ADGRL3: variants seen among roughly 807,000 people sequenced by gnomAD.
ADGRL3 encodes the protein adhesion G protein-coupled receptor L3, also known as calcium-independent alpha-latrotoxin receptor 3.
A neutral mutation model predicts 153.5 loss-of-function variants in ADGRL3; 62 were observed. The observed-to-expected ratio is 0.40, with a 90% confidence interval of 0.33 to 0.50. The LOEUF (loss-of-function observed/expected upper bound fraction) is 0.50, where lower values mean the gene tolerates loss of function less well. ADGRL3 is among the 20% of genes least tolerant of loss of function. The pLI is 0.47. For missense variants in ADGRL3, 1,641 were observed against 1,859.4 expected, an observed-to-expected ratio of 0.88 and a Z score of 2.16; for synonymous variants, 710 against 672.5, an observed-to-expected ratio of 1.06 and a Z score of -0.86.
intron 1 of ADGRL3, among the ~76,000 whole-genome samples, chr4:61,217,069 G>A (rs985843450): frequency 6.6e-6 from 1 of 152,092 alleles, no homozygotes; most frequent in Admixed American, 6.5e-5. Flanking sequence ...CTATTTATTT[G>A]TTAGCACTAG....
intron 17 of ADGRL3, among the ~76,000 whole-genome samples, chr4:61,958,852 C>T (rs895304998): frequency 2.0e-5 from 3 of 152,064 alleles, no homozygotes; most frequent in Non-Finnish European, 4.4e-5. Flanking sequence ...ATGCTAACAT[C>T]CAAAGGTGAG....
intron 2 of ADGRL3, among the ~76,000 whole-genome samples, chr4:61,388,973 A>G (rs769694897): frequency 2.6e-5 from 4 of 152,112 alleles, no homozygotes; most frequent in Admixed American, 2.0e-4. Context: ...CATTACACAA[A>G]ATTTGTTTAT....
At chr4:61,847,954 T>C (rs189013493) in intron 9 of ADGRL3, among the ~76,000 whole-genome samples, 18 of 16,212 alleles carry the variant, frequency 1.1e-3, no homozygotes, top group African/African-American at 3.0e-3. Context: ...ATATATAATA[T>C]AAAATATATT....
chr4:62,041,601 A>T (rs1728319116), intron 24 of ADGRL3, among the ~76,000 whole-genome samples: 1 of 151,996 alleles, frequency 6.6e-6, no homozygotes, highest in South Asian at 2.1e-4. Context: ...TTCCTCCAGA[A>T]AGGCTCCTAA....
intron 1 of ADGRL3, among the ~76,000 whole-genome samples, chr4:61,291,335 C>A (rs571161945): frequency 3.3e-5 from 5 of 151,218 alleles, no homozygotes; most frequent in African/African-American, 1.2e-4. Flanking sequence ...AAAAATAATA[C>A]AAATATAAAA....
At chr4:61,932,666 A>G (rs890614247) in intron 13 of ADGRL3, among the ~76,000 whole-genome samples, 13 of 152,126 alleles carry the variant, frequency 8.5e-5, no homozygotes. Flanking sequence ...TTGGTGTCAA[A>G]GTAATGCTAG....
intron 1 of ADGRL3, among the ~76,000 whole-genome samples, chr4:61,276,592 G>A (rs2093471416): frequency 6.6e-6 from 1 of 151,948 alleles, no homozygotes; most frequent in South Asian, 2.1e-4. Flanking sequence ...ATAGATTTTT[G>A]AATCCTTTCT....
intron 19 of ADGRL3, among the ~76,000 whole-genome samples, chr4:61,991,444 T>C (rs1407412988): frequency 6.6e-6 from 1 of 152,092 alleles, no homozygotes; most frequent in African/African-American, 2.4e-5. Context: ...TAGTCCATCA[T>C]AGAATGTAGG....
chr4:61,957,794 A>C (rs2098973136), intron 17 of ADGRL3, among the ~76,000 whole-genome samples: 1 of 151,998 alleles, frequency 6.6e-6, no homozygotes, highest in South Asian at 2.1e-4. Context: ...AGCTAATTGC[A>C]ATTTGAAAAA....
At chr4:61,214,815 A>C (rs1168056180) in intron 1 of ADGRL3, among the ~76,000 whole-genome samples, 1 of 152,122 alleles carries the variant, frequency 6.6e-6, no homozygotes, top group African/African-American at 2.4e-5. Context: ...GTGCATGCCC[A>C]TAGTTCCAGC....
intron 4 of ADGRL3, among the ~76,000 whole-genome samples, chr4:61,535,361 T>C (rs568602391): frequency 3.3e-5 from 5 of 152,274 alleles, no homozygotes; most frequent in Admixed American, 6.5e-5. Flanking sequence ...TTGAGGATTT[T>C]TGCATCTGTG....
In ADGRL3 at chr4:62,031,531, T is replaced by C; in HGVS notation, c.3512T>C (p.Ile1171Thr). Residue 1171 changes from isoleucine (I) to threonine (T), a missense_variant, in exon 23 of 27, where the codon ATC becomes ACC. By Grantham distance (89) the Ile-to-Thr change is moderately conservative. This residue lies in a region of ADGRL3 where 517 missense variants were observed against 555.0 expected (regional missense o/e 0.93). Coordinates refer to ENST00000683033, the MANE Select transcript of ADGRL3 (RefSeq NM_001387552.1). Reference protein sequence around the residue: ...GLMYINESTVIMAYLFTIFNS... With the variant: ...GLMYINESTVTMAYLFTIFNS... ...ATGTATATTAATGAAAGCACAGTCA[T>C]CATGGCCTATCTCTTCACCATTTTC... is the stretch of plus-strand genomic sequence containing the variant. 1 of 1,610,458 alleles carries C rather than the reference T, an allele frequency of 6.2e-7. No individual in the cohort carries two copies. Among genetic ancestry groups the C allele is most frequent in the African/African-American group, 1.3e-5 (1 of 74,900 alleles).
chr4:61,641,282 T>A (rs916256883), intron 5 of ADGRL3, among the ~76,000 whole-genome samples: 1 of 151,982 alleles, frequency 6.6e-6, no homozygotes, highest in Middle Eastern at 3.4e-3. Flanking sequence ...TTTTTCGTTT[T>A]ATTTATTTAT....
chr4:61,607,970 C>G (rs930734242), intron 5 of ADGRL3, among the ~76,000 whole-genome samples: 17 of 152,158 alleles, frequency 1.1e-4, no homozygotes, highest in South Asian at 4.1e-4. Context: ...TGGAGTCAAC[C>G]AGGCTAGATT....
chr4:61,905,987 G>GTAAGGA (rs1407940570), intron 11 of ADGRL3, among the ~76,000 whole-genome samples: 3 of 151,554 alleles, frequency 2.0e-5, no homozygotes, highest in African/African-American at 7.3e-5. Flanking sequence ...AACATTATAA[G>GTAAGGA]TAAGGATTTC....
chr4:61,936,015 G>T lies in ADGRL3; in HGVS notation c.2389G>T (p.Ala797Ser), dbSNP rs1471889197. 1 of 1,610,432 alleles carries T rather than the reference G, an allele frequency of 6.2e-7. No individual in the cohort carries two copies. Among genetic ancestry groups the T allele is most frequent in the East Asian group, 2.2e-5 (1 of 44,788 alleles). Residue 797 changes from alanine (A) to serine (S), a missense_variant, in exon 15 of 27, where the codon GCA becomes TCA. Around this residue, in one of 5 missense-constraint regions of ADGRL3, gnomAD observed 734 missense variants for 797.0 expected, o/e 0.92. Coordinates refer to ENST00000683033, the MANE Select transcript of ADGRL3 (RefSeq NM_001387552.1). ...MGHGSTIQLS[A>S]NTLKQNGRNG... is the part of the protein sequence containing the mutation. ...CCATGGAAGCACTATCCAGCTGTCTGCAAATACCTTAAAGCAAAATGGCCG... is the reference window on the plus strand; with the variant it reads ...CCATGGAAGCACTATCCAGCTGTCTTCAAATACCTTAAAGCAAAATGGCCG...
chr4:61,696,669 C>A (rs1420120013), intron 6 of ADGRL3, among the ~76,000 whole-genome samples: 3 of 119,018 alleles, frequency 2.5e-5, no homozygotes, highest in South Asian at 2.9e-4. Context: ...TTTTTTTTAA[C>A]CTTTTTTTTT....
At chr4:61,431,289 C>A (rs2097352775) in intron 2 of ADGRL3, among the ~76,000 whole-genome samples, 2 of 152,142 alleles carry the variant, frequency 1.3e-5, no homozygotes, top group African/African-American at 2.4e-5. Context: ...TAGGACCAAC[C>A]AAGAGGTGTC....
intron 5 of ADGRL3, among the ~76,000 whole-genome samples, chr4:61,591,312 C>A (rs2098968222): frequency 6.6e-6 from 1 of 152,158 alleles, no homozygotes; most frequent in African/African-American, 2.4e-5. Flanking sequence ...GTGAACTTAG[C>A]AACTGTTGCA....
Sources: gnomAD v4.1 joint callset for allele counts (sites outside exome capture counted in the v4.1 genomes callset) on GRCh38, gnomAD v4.1.1 for gene constraint, gnomAD v4.1.1 regional missense constraint, MANE v1.5 for transcripts, NCBI Gene and HGNC (gene_info 2026-07-23, HGNC 2026-07-21) for gene names.